The following PAX2 variants were observed in gnomAD, a reference collection of about 807,000 sequenced individuals.
The protein encoded by PAX2 is paired box 2, also known as paired box protein Pax-2.
A neutral mutation model predicts 41.7 loss-of-function variants in PAX2; 9 were observed. The observed-to-expected ratio is 0.22, with a 90% CI of 0.13 to 0.38. PAX2 has a LOEUF of 0.38. Among genes scored for constraint, PAX2 ranks in the 10% least tolerant of loss-of-function variants. The probability of loss-of-function intolerance (pLI) is 1.00; values close to 1 mark genes in which losing one functional copy is unlikely to be tolerated. For synonymous variants in PAX2, 221 were observed against 212.7 expected (o/e 1.04, Z -0.34); for missense variants, 418 against 531.6 (o/e 0.79, Z 2.10).
At chr10:100,744,902 C>G (rs1845094048), upstream of PAX2, among the ~76,000 whole-genome samples, 2 of 152,148 alleles carry the variant, frequency 1.3e-5, no homozygotes, top group Admixed American at 1.3e-4. Flanking sequence ...CGGGAGGGGA[C>G]AAGACAAACT....
chr10:100,797,744 C>A (rs1018014815), intron 5 of PAX2, among the ~76,000 whole-genome samples: 1 of 152,154 alleles, frequency 6.6e-6, no homozygotes, highest in African/African-American at 2.4e-5. Flanking sequence ...GCTAACAGCC[C>A]TCTTGTATAT....
At chr10:100,767,459 C>T (rs1046095798) in intron 3 of PAX2, among the ~76,000 whole-genome samples, 2 of 152,086 alleles carry the variant, frequency 1.3e-5, no homozygotes, top group Non-Finnish European at 2.9e-5. Context: ...AATAAGACTT[C>T]GCTGTTAGTG....
chr10:100,806,196 C>G (rs1847775100), intron 5 of PAX2, among the ~76,000 whole-genome samples: 2 of 152,188 alleles, frequency 1.3e-5, no homozygotes, highest in African/African-American at 4.8e-5. Flanking sequence ...TGTGACCGCT[C>G]CATCTCTTAC....
rs145128799 is a variant in PAX2, at chr10:100,772,208, C to T, written c.411-7290C>T. On this transcript the variant is annotated intron_variant, in intron 3 of 9. Transcript: ENST00000355243. ...CATCTCAGCTCACTGCAACCTCCAC[C>T]GACTCCAGTCGTGGGTTCCACTTCA... Among the ~76,000 whole-genome samples the T allele has an allele frequency of 4.4e-3, 666 of 152,302 alleles. 2 individuals carry two copies. The highest frequency in any genetic ancestry group is 7.5e-3 in the Non-Finnish European group (508 of 68,036).
rs1458260332 is a variant in PAX2, at chr10:100,751,035, G to C, written c.410+144G>C. On this transcript the variant is annotated intron_variant, in intron 3 of 9. Transcript: ENST00000355243. ...GCCCCAAATCCTTCTGTCAGAGAAA[G>C]GGAACCTGTGAGGCAGAGAGTTAGA... 1.1e-5 allele frequency: 8 copies of C among 732,004 alleles called. No individual in the cohort carries two copies. In the Admixed American group the frequency reaches 1.6e-4, roughly 15 times the overall value. The allele number at this position is 732,004 out of a possible 1,614,324, so 45.3% of individuals were successfully genotyped here.
At chr10:100,787,103 GC>G in intron 5 of PAX2, 1 of 619,958 alleles carries the variant, frequency 1.6e-6, no homozygotes, top group Admixed American at 2.3e-5. Context: ...GTTCCTAAGG[GC>G]CAGAGCATGG....
rs929260019 is a variant in PAX2 at position 100,828,312 on chromosome 10, CG to C, written c.*699del. ...CTTTCCAAGGTTGGGACCCAAGGAT[CG>C]GGGGGCCCAGCAGCCCGCACCGATC... On this transcript the variant is annotated 3_prime_UTR_variant, in exon 10 of 10. Coordinates refer to ENST00000355243, the MANE Select transcript of PAX2 (RefSeq NM_000278.5). This position sits in a 1 kb window ranked among gnomAD's most constrained non-coding sequence, Gnocchi z 6.5. 1.2e-4 allele frequency: 28 copies of C among 232,314 alleles called. No homozygotes were observed. The highest frequency in any genetic ancestry group is 2.0e-4 in the Non-Finnish European group (24 of 117,684). 14.4% of individuals were successfully genotyped at this position (232,314 alleles called of 1,614,324 possible).
In PAX2 at chr10:100,823,840, A is replaced by C. The variant is rs1241563947; in HGVS notation, c.920-808A>C. On this transcript the variant is annotated intron_variant, in intron 7 of 9. Coordinates refer to ENST00000355243, the MANE Select transcript of PAX2 (RefSeq NM_000278.5). ...TGTGTCCCAGAGGACATGTCGGTGG[A>C]CCAGGGGTAGCACCCTCATCTTGAC... Among the ~76,000 whole-genome samples, 3 of 152,134 alleles carry C rather than the reference A, an allele frequency of 2.0e-5. No homozygotes were observed. The East Asian group carries it at 5.8e-4, about 29-fold the overall frequency.
At chr10:100,817,217 G>GGACTGGGAAGTTGCC (rs1848217776) in intron 7 of PAX2, among the ~76,000 whole-genome samples, 1 of 152,172 alleles carries the variant, frequency 6.6e-6, no homozygotes. Context: ...TCTGGAAAGA[G>GGACTGGGAAGTTGCC]GACTGGGAAG....
In PAX2 at chr10:100,806,414, T is replaced by C; in HGVS notation, c.617-16T>C. The C allele has an allele frequency of 6.2e-7, 1 of 1,614,060 alleles. No individual in the cohort carries two copies. Among genetic ancestry groups the C allele is most frequent in the Non-Finnish European group, 8.5e-7 (1 of 1,179,900 alleles). On this transcript the variant is annotated splice_polypyrimidine_tract_variant and intron_variant, in intron 5 of 9. Coordinates refer to ENST00000355243, the MANE Select transcript of PAX2 (RefSeq NM_000278.5). The stretch of plus-strand genomic sequence containing the variant: ...TGGCCTGGCGCTAACGCCCCGAGTG[T>C]CCATGTGTTCTCCAGATGTGTCTGA...
At chr10:100,758,143 CTT>C (rs531213135) in intron 3 of PAX2, among the ~76,000 whole-genome samples, 1,717 of 141,428 alleles carry the variant, frequency 0.012, 42 homozygotes, top group African/African-American at 0.041. Context: ...AGGTGCCATT[CTT>C]TTTTTTTTTT....
intron 3 of PAX2, among the ~76,000 whole-genome samples, chr10:100,754,722 G>A (rs920169097): frequency 2.6e-5 from 4 of 152,214 alleles, no homozygotes; most frequent in Non-Finnish European, 5.9e-5. Context: ...TCCTAGCCCC[G>A]TGAATGTTGA....
At chr10:100,744,734 A>T (rs1397302583), upstream of PAX2, among the ~76,000 whole-genome samples, 4 of 152,150 alleles carry the variant, frequency 2.6e-5, no homozygotes, top group Non-Finnish European at 5.9e-5. Context: ...GAGGGTTCAG[A>T]AACCAAGTCC....
At chr10:100,811,022 C>A (rs541338357) in intron 7 of PAX2, among the ~76,000 whole-genome samples, 1 of 152,022 alleles carries the variant, frequency 6.6e-6, no homozygotes, top group Admixed American at 6.6e-5. Context: ...TTCAATCAAG[C>A]GAGGAGTAAC....
rs1350055815 is a variant in PAX2 at position 100,748,915 on chromosome 10, C to G, written c.44-831C>G. 13 of 985,290 alleles carry G rather than the reference C, an allele frequency of 1.3e-5. No homozygotes were observed. Among genetic ancestry groups the G allele is most frequent in the African/African-American group, 3.5e-5 (2 of 57,238 alleles). 61.0% of individuals were successfully genotyped at this position (985,290 alleles called of 1,614,324 possible). On this transcript the variant is annotated intron_variant, in intron 1 of 9. Coordinates refer to ENST00000355243, the MANE Select transcript of PAX2 (RefSeq NM_000278.5). This position sits in a 1 kb window ranked among gnomAD's most constrained non-coding sequence, Gnocchi z 5.0. ...TGCCACCTGGGCGAGACGGTGGGCCCCAACCAGGCTCTGCGAGGCGCGGCA... is the reference window on the plus strand; with the variant it reads ...TGCCACCTGGGCGAGACGGTGGGCCGCAACCAGGCTCTGCGAGGCGCGGCA...
At chr10:100,792,723 C>G (rs938079049) in intron 5 of PAX2, among the ~76,000 whole-genome samples, 1 of 151,112 alleles carries the variant, frequency 6.6e-6, no homozygotes, top group African/African-American at 2.4e-5. Flanking sequence ...TGCTCTCTCC[C>G]TCCCCCTCCC....
chr10:100,813,986 C>A (rs971894055), intron 7 of PAX2, among the ~76,000 whole-genome samples: 3 of 152,128 alleles, frequency 2.0e-5, no homozygotes, highest in African/African-American at 7.2e-5. Context: ...CAGTTAACAT[C>A]CCCCCAAGAC....
intron 5 of PAX2, among the ~76,000 whole-genome samples, chr10:100,803,875 C>T (rs1454652644): frequency 1.3e-5 from 2 of 151,872 alleles, no homozygotes; most frequent in Admixed American, 6.6e-5. Context: ...ACCACCAGGG[C>T]CTGAGTATAC....
chr10:100,792,353 G>T (rs111478356), intron 5 of PAX2, among the ~76,000 whole-genome samples: 46 of 152,366 alleles, frequency 3.0e-4, no homozygotes, highest in African/African-American at 1.1e-3. Context: ...GGGAGAAAAT[G>T]CCTGGAGAGG....
Sources: gnomAD v4.1 joint callset for allele counts (sites outside exome capture counted in the v4.1 genomes callset) on GRCh38, gnomAD v4.1.1 for gene constraint, Gnocchi (gnomAD v3.1) non-coding constraint, MANE v1.5 for transcripts, NCBI Gene and HGNC (gene_info 2026-07-23, HGNC 2026-07-21) for gene names.